FABP12: variants seen among roughly 807,000 people sequenced by gnomAD.
FABP12 encodes fatty acid binding protein 12, also known as fatty acid-binding protein 12.
A neutral mutation model predicts 13.7 loss-of-function variants in FABP12; 19 were observed. The observed-to-expected ratio is 1.39, with a 90% CI of 0.97 to 2.04. FABP12 has a LOEUF of 2.04. Among genes scored for constraint, FABP12 ranks in the 30% most tolerant of loss-of-function variants. The probability of loss-of-function intolerance (pLI) is 0.00; values close to 1 mark genes in which losing one functional copy is unlikely to be tolerated. For synonymous variants in FABP12, 61 were observed against 57.0 expected, an observed-to-expected ratio of 1.07 and a Z score of -0.32; for missense variants, 182 against 164.2, an observed-to-expected ratio of 1.11 and a Z score of -0.59.
chr8:81,576,930 T>A (rs1357101580), intron 1 of FABP12, among the ~76,000 whole-genome samples: 4 of 152,182 alleles, frequency 2.6e-5, no homozygotes, highest in Admixed American at 2.6e-4. Flanking sequence ...GTGGCAGAAG[T>A]TATTTCTGTT....
rs191841152 is a variant in FABP12 at position 81,558,854 on chromosome 8, C to T, written c.-184-19111G>A. ...GCAGTGAGCTGAGATCATGCCACTG[C>T]ACTCCAGCCTGGGGGACAAAGTAAG... is the stretch of plus-strand genomic sequence containing the variant. On this transcript the variant is annotated intron_variant, in intron 1 of 5. Coordinates refer to the FABP12 transcript ENST00000692030. Among the ~76,000 whole-genome samples the T allele has an allele frequency of 4.7e-3, 663 of 141,356 alleles. 5 individuals are homozygous for T. Among genetic ancestry groups the T allele is most frequent in the South Asian group, 0.022 (98 of 4,440 alleles). 92.7% of individuals were successfully genotyped at this position (141,356 alleles called of 152,430 possible). A position where few individuals can be genotyped will look rare whatever the true frequency, so the allele number is the denominator to read the frequency against.
At chr8:81,543,855 C>T (rs370701464) in intron 1 of FABP12, among the ~76,000 whole-genome samples, 5 of 151,870 alleles carry the variant, frequency 3.3e-5, no homozygotes, top group East Asian at 1.9e-4. Context: ...TGTAAAGTGC[C>T]CTCCCAGTGG....
upstream of FABP12, among the ~76,000 whole-genome samples, chr8:81,534,311 A>G (rs1284183287): frequency 1.3e-5 from 2 of 152,246 alleles, no homozygotes; most frequent in Middle Eastern, 3.4e-3. Flanking sequence ...CATCCAGTAT[A>G]TGGGCTGCAG....
chr8:81,554,442 G>C (rs1585847785), intron 1 of FABP12, among the ~76,000 whole-genome samples: 1 of 152,170 alleles, frequency 6.6e-6, no homozygotes, highest in Non-Finnish European at 1.5e-5. Context: ...GTCAGGATTT[G>C]AACTCAGATC....
intron 4 of FABP12, 47 bp from the exon 5 acceptor site, chr8:81,525,167 T>A (rs986146785): frequency 1.6e-6 from 2 of 1,280,582 alleles, no homozygotes; most frequent in Admixed American, 4.1e-5. Context: ...GTTAGTGAAA[T>A]TAACATTTAG....
intron 1 of FABP12, among the ~76,000 whole-genome samples, chr8:81,552,237 G>A (rs184405287): frequency 1.6e-3 from 251 of 152,242 alleles, no homozygotes; most frequent in South Asian, 3.9e-3. Context: ...CATTCCAAGC[G>A]GAGATAACAA....
At chr8:81,527,790 T>A (rs1253909359) in intron 3 of FABP12, among the ~76,000 whole-genome samples, 1 of 152,004 alleles carries the variant, frequency 6.6e-6, no homozygotes, top group Non-Finnish European at 1.5e-5. Context: ...GAGACCCCCA[T>A]CTCCATAAAA....
chr8:81,544,586 T>G (rs979884443), intron 1 of FABP12, among the ~76,000 whole-genome samples: 2 of 152,032 alleles, frequency 1.3e-5, no homozygotes, highest in African/African-American at 4.8e-5. Flanking sequence ...GTGAGAACTA[T>G]GGGGAACAAG....
chr8:81,573,222 A>T (rs1809967550), intron 1 of FABP12, among the ~76,000 whole-genome samples: 1 of 152,050 alleles, frequency 6.6e-6, no homozygotes, highest in South Asian at 2.1e-4. Flanking sequence ...TTCCCACTTT[A>T]TGCTTTTGTT....
At chr8:81,555,280 A>C (rs1166616394) in intron 1 of FABP12, among the ~76,000 whole-genome samples, 2 of 152,214 alleles carry the variant, frequency 1.3e-5, no homozygotes, top group African/African-American at 4.8e-5. Flanking sequence ...AGAACAAGAC[A>C]AAGACCCATA....
intron 1 of FABP12, among the ~76,000 whole-genome samples, chr8:81,557,030 A>G (rs547346525): frequency 4.0e-5 from 6 of 151,342 alleles, no homozygotes; most frequent in African/African-American, 1.5e-4. Flanking sequence ...ATGCACCACC[A>G]TTTCCAGCTT....
At chr8:81,551,320 A>C (rs1809519337) in intron 1 of FABP12, among the ~76,000 whole-genome samples, 1 of 152,144 alleles carries the variant, frequency 6.6e-6, no homozygotes, top group South Asian at 2.1e-4. Context: ...GGTCACTGTC[A>C]TTCTAAATGT....
intron 1 of FABP12, among the ~76,000 whole-genome samples, chr8:81,587,241 C>T (rs900568391): frequency 3.9e-5 from 6 of 152,042 alleles, no homozygotes; most frequent in Non-Finnish European, 8.8e-5. Context: ...CTCCCAGGTT[C>T]GTTCTTTTTC....
Position 81,529,630 on chromosome 8 carries a change from A to T in FABP12, c.74-20T>A. The T allele has an allele frequency of 6.3e-7, 1 of 1,597,026 alleles. No individual in the cohort carries two copies. The highest frequency in any genetic ancestry group is 2.2e-5 in the East Asian group (1 of 44,768). On this transcript the variant is annotated intron_variant, in intron 2 of 4. Coordinates refer to ENST00000360464, the Ensembl canonical transcript of FABP12. ...CTATACCTGGAAACCAGATAAAAGG[A>T]GTATTATCTTTTTGCATAAAGAATT... is the stretch of plus-strand genomic sequence containing the variant.
intron 1 of FABP12, among the ~76,000 whole-genome samples, chr8:81,542,160 G>A (rs930385269): frequency 2.6e-5 from 4 of 152,084 alleles, no homozygotes; most frequent in African/African-American, 7.2e-5. Flanking sequence ...TGGAGAAAAG[G>A]GAAACTTCCC....
chr8:81,565,202 G>A (rs1277336284), intron 1 of FABP12, among the ~76,000 whole-genome samples: 1 of 152,016 alleles, frequency 6.6e-6, no homozygotes, highest in African/African-American at 2.4e-5. Flanking sequence ...TATTTTTAGA[G>A]CTAAAGAGGG....
chr8:81,574,619 A>C (rs1810000042), intron 1 of FABP12, among the ~76,000 whole-genome samples: 1 of 152,056 alleles, frequency 6.6e-6, no homozygotes, highest in African/African-American at 2.4e-5. Flanking sequence ...TACCATTTCA[A>C]TCTCACTGCT....
intron 1 of FABP12, among the ~76,000 whole-genome samples, chr8:81,556,447 G>A (rs960485086): frequency 3.9e-5 from 6 of 152,094 alleles, no homozygotes; most frequent in Admixed American, 3.3e-4. Context: ...GTTTGCTAGG[G>A]CCAGAATCCA....
At chr8:81,557,977 C>T (rs1210889072) in intron 1 of FABP12, among the ~76,000 whole-genome samples, 1 of 152,180 alleles carries the variant, frequency 6.6e-6, no homozygotes, top group Non-Finnish European at 1.5e-5. Flanking sequence ...GGCCCTAGGT[C>T]AGCATGGGCA....
Sources: allele counts gnomAD v4.1 joint callset (sites outside exome capture counted in the v4.1 genomes callset), GRCh38; gene constraint gnomAD v4.1.1; transcripts MANE v1.5; gene names NCBI Gene and HGNC (gene_info 2026-07-23, HGNC 2026-07-21).